Variants in KIAA1549 observed in about 807,000 individuals in gnomAD.
KIAA1549 encodes the protein KIAA1549.
A neutral mutation model predicts 156.4 loss-of-function variants in KIAA1549; 70 were observed. The ratio of observed to expected loss-of-function variants is 0.45; its 90% confidence interval spans 0.37 to 0.55. The LOEUF (loss-of-function observed/expected upper bound fraction) is 0.55. KIAA1549 is among the 20% of genes least tolerant of loss of function. The probability of loss-of-function intolerance (pLI) is 0.00; values close to 1 mark genes in which losing one functional copy is unlikely to be tolerated. For missense variants in KIAA1549, 2,428 were observed against 2,540.9 expected, an observed-to-expected ratio of 0.96 and a Z score of 0.96; for synonymous variants, 1,103 against 1,066.4, an observed-to-expected ratio of 1.03 and a Z score of -0.67.
Position 138,837,612 on chromosome 7 carries a change from G to A in KIAA1549, c.*294C>T. On this transcript the variant is annotated 3_prime_UTR_variant, in exon 20 of 20. Coordinates refer to ENST00000422774, the MANE Select transcript of KIAA1549 (RefSeq NM_001164665.2). ...CTCTACCTTTAAAAAAGAGACGAAT[G>A]CAGTCATTTTGTTAGCTTAGGTTTG... The A allele has an allele frequency of 3.7e-6, 2 of 538,016 alleles. No individual in the cohort carries two copies. The highest frequency in any genetic ancestry group is 3.2e-6 in the Non-Finnish European group (1 of 307,912). 33.3% of individuals were successfully genotyped at this position (538,016 alleles called of 1,614,324 possible). A position where few individuals can be genotyped will look rare whatever the true frequency, so the allele number is the denominator to read the frequency against.
In KIAA1549 at chr7:138,977,707, C is replaced by CT. The variant is rs145324723; in HGVS notation, c.187+3375dup. Among the ~76,000 whole-genome samples, 816 of 147,364 alleles carry CT rather than the reference C, an allele frequency of 5.5e-3. 17 individuals are homozygous for CT. In the East Asian group the frequency reaches 0.062, roughly 11 times the overall value. On this transcript the variant is annotated intron_variant, in intron 1 of 19. Transcript: ENST00000422774. The stretch of plus-strand genomic sequence containing the variant: ...ACACGGAAAGAAACATGCACAAAGC[C>CT]TTTTTTTTTTGAGACGGAGTCTTGC...
chr7:138,875,345 C>T (rs1811051642), intron 12 of KIAA1549, among the ~76,000 whole-genome samples: 1 of 152,068 alleles, frequency 6.6e-6, no homozygotes, highest in Non-Finnish European at 1.5e-5. Context: ...AAATAAAAAT[C>T]TTAAAAAGAA....
intron 1 of KIAA1549, among the ~76,000 whole-genome samples, chr7:138,979,894 G>C (rs1406329175): frequency 1.3e-5 from 2 of 152,222 alleles, no homozygotes. Flanking sequence ...CTGTGACCTT[G>C]AGCAAGGCAC....
chr7:138,918,662 A>T lies in KIAA1549; in HGVS notation c.964T>A (p.Tyr322Asn), dbSNP rs1812431460. The T allele has an allele frequency of 6.2e-7, 1 of 1,613,708 alleles. No individual in the cohort carries two copies. Among genetic ancestry groups the T allele is most frequent in the South Asian group, 1.1e-5 (1 of 91,092 alleles). Residue 322 changes from tyrosine (Y) to asparagine (N), a missense_variant, in exon 2 of 20, where the codon TAC becomes AAC. Around this residue, in one of 5 missense-constraint regions of KIAA1549, gnomAD observed 893 missense variants for 847.9 expected, o/e 1.05. Coordinates refer to ENST00000422774, the MANE Select transcript of KIAA1549 (RefSeq NM_001164665.2). The surrounding 1 kb of genome is among the most constrained non-coding windows in gnomAD (Gnocchi z 4.2). ...EEVWATSADR[Y>N]TDVTTVLSQS... ...CTCAACACAGTGGTCACATCAGTGT[A>T]TCTGTCTGCACTTGTGGCCCAAACC... is the stretch of plus-strand genomic sequence containing the variant.
chr7:138,921,760 G>A (rs1162308913), intron 1 of KIAA1549, among the ~76,000 whole-genome samples: 1 of 152,124 alleles, frequency 6.6e-6, no homozygotes, highest in Non-Finnish European at 1.5e-5. Flanking sequence ...AGCTACTCAG[G>A]AGGCTGAGGC....
chr7:138,931,792 A>G (rs1281514134), intron 1 of KIAA1549, among the ~76,000 whole-genome samples: 4 of 151,026 alleles, frequency 2.6e-5, no homozygotes, highest in Non-Finnish European at 5.9e-5. Flanking sequence ...TGATTTTAAT[A>G]TGGTCAAATT....
intron 5 of KIAA1549, among the ~76,000 whole-genome samples, chr7:138,908,655 A>G (rs1296668964): frequency 2.6e-5 from 4 of 152,240 alleles, no homozygotes; most frequent in African/African-American, 9.6e-5. Context: ...CTTAGTAGCT[A>G]TATGGAAACA....
chr7:138,898,949 A>AC lies in KIAA1549; in HGVS notation c.3847+5dup. The AC allele has an allele frequency of 3.1e-6, 5 of 1,613,674 alleles. No homozygotes were observed. Among genetic ancestry groups the AC allele is most frequent in the Non-Finnish European group, 4.2e-6 (5 of 1,179,610 alleles). ...CAGCACAGACGACAACACCTCAGGC[A>AC]CTTACGCTGGGCAATGACACCTTGA... On this transcript the variant is annotated splice_donor_region_variant and intron_variant, in intron 9 of 19. Transcript: ENST00000422774.
Position 138,918,092 on chromosome 7 carries a change from C to G in KIAA1549, c.1534G>C (p.Asp512His), listed in dbSNP as rs761838186. The change falls in exon 2 of 20, where the codon GAT becomes CAT. Residue 512 changes from aspartate (D) to histidine (H), a missense_variant. Transcript: ENST00000422774. This position sits in a 1 kb window ranked among gnomAD's most constrained non-coding sequence, Gnocchi z 4.2. The part of the protein sequence containing the change: ...ETSVGISAEV[D>H]MSSVTTTQVP... ...TGTGTGGTTGTAACACTACTCATAT[C>G]CACCTCGGCAGAAATGCCAACACTC... The G allele has an allele frequency of 6.2e-7, 1 of 1,613,846 alleles. No individual in the cohort carries two copies. Among genetic ancestry groups the G allele is most frequent in the Non-Finnish European group, 8.5e-7 (1 of 1,179,858 alleles).
chr7:138,903,718 T>G lies in KIAA1549; in HGVS notation c.3539A>C (p.Glu1180Ala), dbSNP rs764356219. ...WVRTVLLGVM[E>A]KQLQNEVFQA... ...AAACACTTCATTCTGGAGTTGCTTC[T>G]CCATGACGCCCAGGAGAACTACATT... Residue 1180 changes from glutamate to alanine, a missense_variant, in exon 8 of 20, where the codon GAG becomes GCG. Transcript: ENST00000422774. The G allele has an allele frequency of 1.9e-6, 3 of 1,600,910 alleles. No individual in the cohort carries two copies. The East Asian group carries it at 6.8e-5, about 36-fold the overall frequency.
intron 17 of KIAA1549, 111 bp downstream of exon 17, chr7:138,852,112 C>T: frequency 1.5e-6 from 1 of 659,818 alleles, no homozygotes; most frequent in Non-Finnish European, 2.6e-6. Flanking sequence ...AGAGAATATA[C>T]AACGCAGAGT....
intron 1 of KIAA1549, among the ~76,000 whole-genome samples, chr7:138,937,261 CTT>C (rs1029777463): frequency 2.0e-5 from 3 of 152,128 alleles, no homozygotes; most frequent in Non-Finnish European, 1.5e-5. Context: ...GTGCTTCTCT[CTT>C]GACACTTAGG....
At chr7:138,967,701 A>G (rs1814072514) in intron 1 of KIAA1549, among the ~76,000 whole-genome samples, 1 of 152,066 alleles carries the variant, frequency 6.6e-6, no homozygotes, top group Admixed American at 6.6e-5. Context: ...CAGGAGAAAA[A>G]AAAACACTCA....
intron 1 of KIAA1549, among the ~76,000 whole-genome samples, chr7:138,954,910 T>C (rs1813616959): frequency 6.6e-6 from 1 of 151,822 alleles, no homozygotes; most frequent in Non-Finnish European, 1.5e-5. Context: ...GGGCTGAGGA[T>C]AAGGGGGACA....
chr7:138,837,686 T>C lies in KIAA1549; in HGVS notation c.*220A>G. On this transcript the variant is annotated 3_prime_UTR_variant, in exon 20 of 20. Transcript: ENST00000422774. ...CTGGCTTTTGGCCAAAATACATATATTTCAACTGAACCCAAGTGTTCAGAC... is the reference window on the plus strand; with the variant it reads ...CTGGCTTTTGGCCAAAATACATATACTTCAACTGAACCCAAGTGTTCAGAC... 1.7e-6 allele frequency: 1 copy of C among 581,752 alleles called. No homozygotes were observed. Among genetic ancestry groups the C allele is most frequent in the Non-Finnish European group, 3.0e-6 (1 of 333,188 alleles). 36.0% of individuals were successfully genotyped at this position (581,752 alleles called of 1,614,324 possible). A position where few individuals can be genotyped will look rare whatever the true frequency, so the allele number is the denominator to read the frequency against.
chr7:138,928,823 G>A (rs1238733724), intron 1 of KIAA1549, among the ~76,000 whole-genome samples: 1 of 151,982 alleles, frequency 6.6e-6, no homozygotes, highest in African/African-American at 2.4e-5. Context: ...GTTAATGGGC[G>A]CAGCACACCA....
At position 138,879,654 on chromosome 7, in the gene KIAA1549, C is replaced by G. The variant is rs1424035600; in HGVS notation, c.4230-1G>C. 1 of 1,499,236 alleles carries G rather than the reference C, an allele frequency of 6.7e-7. No homozygotes were observed. 92.9% of individuals were successfully genotyped at this position (1,499,236 alleles called of 1,614,324 possible). A position where few individuals can be genotyped will look rare whatever the true frequency, so the allele number is the denominator to read the frequency against. ...AGAGTCAGCATCTGAGGGAGAAACT[C>G]TGCAGACACAAAATGAATTGCAAAC... On this transcript the variant is annotated splice_acceptor_variant, in intron 11 of 19. Transcript: ENST00000422774. LOFTEE classifies it high-confidence loss of function.
intron 1 of KIAA1549, among the ~76,000 whole-genome samples, chr7:138,946,543 G>C (rs991072302): frequency 6.6e-5 from 10 of 152,178 alleles, no homozygotes; most frequent in African/African-American, 2.4e-4. Context: ...ACTTTGGGAG[G>C]CTGAGGCGGG....
intron 1 of KIAA1549, among the ~76,000 whole-genome samples, chr7:138,931,771 AAAG>A (rs1812880437): frequency 2.1e-5 from 3 of 144,678 alleles, no homozygotes; most frequent in Admixed American, 1.4e-4. Context: ...AAAAAAAAAA[AAAG>A]AAGGTCTTGA....
Sources: allele counts gnomAD v4.1 joint callset (sites outside exome capture counted in the v4.1 genomes callset), GRCh38; gene constraint gnomAD v4.1.1; regional missense constraint gnomAD v4.1.1; non-coding constraint Gnocchi (gnomAD v3.1); transcripts MANE v1.5; gene names NCBI Gene and HGNC (gene_info 2026-07-23, HGNC 2026-07-21).